The following HECW2 variants were observed in gnomAD, a reference collection of about 807,000 sequenced individuals.
HECW2 encodes E3 ubiquitin-protein ligase HECW2.
Under a neutral mutation model 175.2 loss-of-function variants are expected in HECW2, and 61 were observed. The ratio of observed to expected loss-of-function variants is 0.35; its 90% CI spans 0.28 to 0.43. The LOEUF is 0.43. HECW2 is among the 20% of genes least tolerant of loss of function. The pLI is 1.00. For synonymous variants in HECW2, 671 were observed against 731.0 expected (o/e 0.92, Z 1.32); for missense variants, 1,524 against 2,000.5 (o/e 0.76, Z 4.54).
chr2:196,333,886 T>C (rs1474103505), intron 4 of HECW2, among the ~76,000 whole-genome samples: 18 of 152,184 alleles, frequency 1.2e-4, no homozygotes, highest in Non-Finnish European at 2.5e-4. Flanking sequence ...TTGACTTCCA[T>C]TGAGTGGCCA....
intron 28 of HECW2, among the ~76,000 whole-genome samples, chr2:196,205,852 T>C (rs981326635): frequency 1.3e-5 from 2 of 152,180 alleles, no homozygotes; most frequent in African/African-American, 2.4e-5. Context: ...CATTGGCTAT[T>C]TGCACCAGTG....
At chr2:196,581,519 G>A (rs1292294171) in intron 1 of HECW2, among the ~76,000 whole-genome samples, 2 of 152,112 alleles carry the variant, frequency 1.3e-5, no homozygotes, top group African/African-American at 2.4e-5. Context: ...GGACGATACA[G>A]TGAGACTCTA....
At chr2:196,266,187 A>C (rs1225741071) in intron 17 of HECW2, among the ~76,000 whole-genome samples, 1 of 129,762 alleles carries the variant, frequency 7.7e-6, no homozygotes, top group African/African-American at 2.9e-5. Context: ...AAAAAAAAAA[A>C]CACAAAACAA....
chr2:196,236,946 A>G (rs1559454965), intron 21 of HECW2, among the ~76,000 whole-genome samples: 1 of 152,240 alleles, frequency 6.6e-6, no homozygotes, highest in Non-Finnish European at 1.5e-5. Context: ...CACTATGCAC[A>G]TTCCATACCT....
intron 4 of HECW2, among the ~76,000 whole-genome samples, chr2:196,333,730 T>TA (rs940977491): frequency 9.9e-5 from 15 of 152,172 alleles, no homozygotes; most frequent in African/African-American, 3.1e-4. Flanking sequence ...AAATAAAATT[T>TA]AAAAAATCAC....
intron 1 of HECW2, among the ~76,000 whole-genome samples, chr2:196,445,199 A>G (rs2125297414): frequency 6.6e-6 from 1 of 152,340 alleles, no homozygotes; most frequent in Non-Finnish European, 1.5e-5. Flanking sequence ...AGGACAAATT[A>G]CTGTTTCTCT....
rs144821009 is a variant in HECW2, at chr2:196,493,500, T to C, written c.-35-60042A>G. 2.0e-5 allele frequency: 3 copies of C among 152,332 alleles called. No individual in the cohort carries two copies. In the East Asian group the frequency reaches 5.8e-4, roughly 29 times the overall value. 9.4% of individuals were successfully genotyped at this position (152,332 alleles called of 1,614,324 possible). On this transcript the variant is annotated intron_variant, in intron 1 of 28. Coordinates refer to ENST00000644978, the MANE Select transcript of HECW2 (RefSeq NM_001348768.2). The stretch of plus-strand genomic sequence containing the variant: ...ATTGAGTCTGTCAGTGTATTAGATA[T>C]TATCCATCTCTTTTTTTAAAGTATA...
rs554327319 is a variant in HECW2, at chr2:196,575,374, T to G, written c.-36+18134A>C. 4.6e-5 allele frequency among the ~76,000 whole-genome samples: 7 copies of G among 152,230 alleles called. No homozygotes were observed. In the East Asian group the frequency reaches 1.4e-3, roughly 29 times the overall value. Reference sequence around the variant, plus strand: ...TGGAAGTTCCTCAAGAAATTAAAAATAGAATTACCACATGATCTAACAATC... The same window carrying G: ...TGGAAGTTCCTCAAGAAATTAAAAAGAGAATTACCACATGATCTAACAATC... On this transcript the variant is annotated intron_variant, in intron 1 of 28. Coordinates refer to ENST00000644978, the MANE Select transcript of HECW2 (RefSeq NM_001348768.2).
At chr2:196,250,988 G>T (rs886295915) in intron 19 of HECW2, among the ~76,000 whole-genome samples, 3 of 152,162 alleles carry the variant, frequency 2.0e-5, no homozygotes, top group African/African-American at 7.2e-5. Context: ...CATTGATAAT[G>T]TCATGATTTT....
intron 2 of HECW2, among the ~76,000 whole-genome samples, chr2:196,364,629 C>A (rs1693693880): frequency 1.3e-5 from 2 of 152,294 alleles, no homozygotes; most frequent in South Asian, 4.2e-4. Flanking sequence ...ACAAAACACT[C>A]TTATGTTTTT....
intron 1 of HECW2, among the ~76,000 whole-genome samples, chr2:196,532,452 G>A (rs1237260814): frequency 1.3e-5 from 2 of 152,054 alleles, no homozygotes; most frequent in Non-Finnish European, 1.5e-5. Context: ...CACAGGGAGG[G>A]GAACATCACA....
intron 10 of HECW2, among the ~76,000 whole-genome samples, chr2:196,309,285 C>G (rs1691390630): frequency 6.6e-6 from 1 of 152,176 alleles, no homozygotes; most frequent in Non-Finnish European, 1.5e-5. Context: ...TTGATCTCAG[C>G]ACATTGTAAT....
chr2:196,275,621 A>G (rs529044648), intron 15 of HECW2, among the ~76,000 whole-genome samples: 2 of 152,138 alleles, frequency 1.3e-5, no homozygotes, highest in East Asian at 3.9e-4. Context: ...GCGCGGTGGC[A>G]GGTGCCTGTA....
At chr2:196,519,943 T>C (rs932278612) in intron 1 of HECW2, among the ~76,000 whole-genome samples, 4 of 152,200 alleles carry the variant, frequency 2.6e-5, no homozygotes, top group South Asian at 2.1e-4. Flanking sequence ...ATGGTAATCA[T>C]AGGTGCTGCA....
chr2:196,546,240 C>T (rs1689417894), intron 1 of HECW2, among the ~76,000 whole-genome samples: 1 of 152,166 alleles, frequency 6.6e-6, no homozygotes, highest in Non-Finnish European at 1.5e-5. Context: ...TGCCACTTCC[C>T]AGCTTCTTGT....
intron 18 of HECW2, among the ~76,000 whole-genome samples, chr2:196,254,757 G>A (rs1206790867): frequency 6.6e-6 from 1 of 152,166 alleles, no homozygotes; most frequent in Non-Finnish European, 1.5e-5. Context: ...GAGTTCTTAT[G>A]TATCATTAGG....
intron 2 of HECW2, among the ~76,000 whole-genome samples, chr2:196,346,212 A>C (rs1419029490): frequency 2.0e-5 from 3 of 152,230 alleles, no homozygotes; most frequent in Non-Finnish European, 4.4e-5. Context: ...ATTTGGTATT[A>C]CTAAACTTTT....
intron 3 of HECW2, among the ~76,000 whole-genome samples, chr2:196,337,542 G>C (rs1056692613): frequency 6.8e-6 from 1 of 146,956 alleles, no homozygotes; most frequent in East Asian, 2.0e-4. Context: ...ATCTCCCCCT[G>C]CTGGCCTCAA....
At chr2:196,540,434 TC>T (rs1223445014) in intron 1 of HECW2, among the ~76,000 whole-genome samples, 1 of 152,128 alleles carries the variant, frequency 6.6e-6, no homozygotes, top group African/African-American at 2.4e-5. Context: ...TATTTTTCTT[TC>T]TTTTTTTTAT....
Sources: gnomAD v4.1 joint callset for allele counts (sites outside exome capture counted in the v4.1 genomes callset) on GRCh38, gnomAD v4.1.1 for gene constraint, MANE v1.5 for transcripts, NCBI Gene and HGNC (gene_info 2026-07-23, HGNC 2026-07-21) for gene names.